AGO3: variants seen among roughly 807,000 people sequenced by gnomAD.
The protein encoded by AGO3 is argonaute RISC catalytic component 3, also known as protein argonaute-3.
Under a neutral mutation model 105.5 loss-of-function variants are expected in AGO3, and 16 were observed. That is an observed-to-expected ratio of 0.15 (90% confidence interval 0.10 to 0.23). The LOEUF is 0.23. AGO3 is among the 10% of genes least tolerant of loss of function. The pLI is 1.00. For missense variants in AGO3, 534 were observed against 1,088.0 expected, an observed-to-expected ratio of 0.49 and a Z score of 7.16; for synonymous variants, 340 against 367.3, an observed-to-expected ratio of 0.93 and a Z score of 0.85.
intron 2 of AGO3, 85 bp from the exon 3 acceptor site, chr1:35,966,870 A>G: frequency 6.9e-7 from 1 of 1,449,522 alleles, no homozygotes; most frequent in Non-Finnish European, 9.2e-7. Flanking sequence ...TGACAGCTTT[A>G]TACAGTGGCA....
intron 17 of AGO3, among the ~76,000 whole-genome samples, chr1:36,049,542 C>T (rs1017632195): frequency 1.3e-5 from 2 of 151,174 alleles, no homozygotes; most frequent in East Asian, 1.9e-4. Flanking sequence ...AAAAGAAAAA[C>T]TACTGGGTGC....
At chr1:35,934,080 C>A (rs1025329056) in intron 1 of AGO3, among the ~76,000 whole-genome samples, 2 of 152,136 alleles carry the variant, frequency 1.3e-5, no homozygotes, top group African/African-American at 4.8e-5. Context: ...TGGGGAACAT[C>A]TGATGAAACA....
chr1:35,980,615 G>A (rs1647036001), intron 5 of AGO3, among the ~76,000 whole-genome samples: 1 of 152,162 alleles, frequency 6.6e-6, no homozygotes, highest in Non-Finnish European at 1.5e-5. Context: ...GCTAGATGTG[G>A]AATTGTTGGC....
At chr1:36,016,416 A>T (rs757013155) in intron 11 of AGO3, among the ~76,000 whole-genome samples, 1 of 152,120 alleles carries the variant, frequency 6.6e-6, no homozygotes, top group Non-Finnish European at 1.5e-5. Context: ...TCCTGACCTG[A>T]GGTGATCTGC....
Position 36,027,059 on chromosome 1 carries a change from T to G in AGO3, c.1407-55T>G, listed in dbSNP as rs1557696436. ...CCTTCCCAAACTTCCCATTACTACT[T>G]TGTAGGAATTCATGACTAGACAAAG... On this transcript the variant is annotated intron_variant, in intron 11 of 18. Coordinates refer to ENST00000373191, the MANE Select transcript of AGO3 (RefSeq NM_024852.4). This position sits in a 1 kb window ranked among gnomAD's most constrained non-coding sequence, Gnocchi z 4.0. The G allele has an allele frequency of 6.5e-7, 1 of 1,537,088 alleles. No homozygotes were observed. The highest frequency in any genetic ancestry group is 2.0e-5 in the Admixed American group (1 of 50,548).
chr1:35,959,170 A>G (rs1237459721), intron 2 of AGO3, among the ~76,000 whole-genome samples: 3 of 152,182 alleles, frequency 2.0e-5, no homozygotes, highest in African/African-American at 4.8e-5. Context: ...GTCAGGTGGT[A>G]AAATGGGACT....
intron 11 of AGO3, among the ~76,000 whole-genome samples, chr1:36,024,376 G>A (rs684594): frequency 0.72 from 109,736 of 151,952 alleles, 43,365 homozygotes; most frequent in Non-Finnish European, 0.91. Flanking sequence ...GACTTAAGCA[G>A]TCCTCCTGCC....
intron 17 of AGO3, among the ~76,000 whole-genome samples, chr1:36,054,437 T>A (rs758709069): frequency 1.4e-4 from 21 of 151,994 alleles, no homozygotes; most frequent in Non-Finnish European, 2.8e-4. Flanking sequence ...CACATCTGGC[T>A]AATTTTTTTT....
At position 35,965,467 on chromosome 1, in the gene AGO3, G is replaced by A. The variant is rs1253164004; in HGVS notation, c.192-1488G>A. ...ATCGCACCACTGCACTCCATCCTGC[G>A]TGACAGAGCAAGACGCTGTCTCAAA... On this transcript the variant is annotated intron_variant, in intron 2 of 18. Coordinates refer to ENST00000373191, the MANE Select transcript of AGO3 (RefSeq NM_024852.4). 1.2e-4 allele frequency among the ~76,000 whole-genome samples: 17 copies of A among 142,694 alleles called. 1 individual carries two copies. The highest frequency in any genetic ancestry group is 7.5e-5 in the Non-Finnish European group (5 of 66,526). The allele number at this position is 142,694 out of a possible 152,430, so 93.6% of individuals were successfully genotyped here.
chr1:35,988,236 A>G (rs1440435717), intron 5 of AGO3, among the ~76,000 whole-genome samples: 1 of 152,242 alleles, frequency 6.6e-6, no homozygotes, highest in Non-Finnish European at 1.5e-5. Context: ...ATACATATGC[A>G]TTGTGAAATG....
intron 2 of AGO3, among the ~76,000 whole-genome samples, chr1:35,960,272 A>G (rs1436257923): frequency 6.6e-6 from 1 of 152,074 alleles, no homozygotes. Context: ...CTTTTCCCTA[A>G]TATCCTTTGA....
intron 2 of AGO3, among the ~76,000 whole-genome samples, chr1:35,961,068 C>T (rs1203008760): frequency 2.6e-5 from 4 of 151,260 alleles, no homozygotes; most frequent in African/African-American, 9.7e-5. Context: ...CTCAGGCTCC[C>T]GAGTAGCTGG....
chr1:36,034,064 T>C, intron 12 of AGO3, 110 bp from the exon 13 acceptor site: 1 of 1,126,850 alleles, frequency 8.9e-7, no homozygotes, highest in Non-Finnish European at 1.2e-6. Flanking sequence ...TTTGGTATCC[T>C]GTAATACAAT....
Position 36,009,597 on chromosome 1 carries a change from T to A in AGO3, c.1149+3T>A. 6.2e-7 allele frequency: 1 copy of A among 1,609,912 alleles called. No homozygotes were observed. Among genetic ancestry groups the A allele is most frequent in the Admixed American group, 1.7e-5 (1 of 58,162 alleles). ...GACAAGAGGAAATTAGCAGATTGGTTAGTACTTAACCTTAGAAATGAGAAT... is the reference window on the plus strand; with the variant it reads ...GACAAGAGGAAATTAGCAGATTGGTAAGTACTTAACCTTAGAAATGAGAAT... On this transcript the variant is annotated splice_donor_region_variant and intron_variant, in intron 9 of 18. Transcript: ENST00000373191.
intron 5 of AGO3, chr1:35,982,662 A>C: frequency 1.4e-6 from 1 of 717,376 alleles, no homozygotes; most frequent in East Asian, 2.7e-5. Context: ...GATAGAGGAG[A>C]AAAAACTAAT....
chr1:36,061,151 G>A lies in AGO3; in HGVS notation c.*5406G>A, dbSNP rs989522358. ...AGAAATGACACTGTGATTAGTGAAA[G>A]CCAAGCTGAGTCCCAGGAAGCAGGG... On this transcript the variant is annotated 3_prime_UTR_variant, in exon 19 of 19. Transcript: ENST00000373191. 2.0e-5 allele frequency: 3 copies of A among 152,136 alleles called. No individual in the cohort carries two copies. Among genetic ancestry groups the A allele is most frequent in the African/African-American group, 7.2e-5 (3 of 41,410 alleles). The allele number at this position is 152,136 out of a possible 1,614,324, so 9.4% of individuals were successfully genotyped here.
At chr1:35,945,133 T>C (rs1204140114) in intron 1 of AGO3, among the ~76,000 whole-genome samples, 1 of 152,200 alleles carries the variant, frequency 6.6e-6, no homozygotes, top group Non-Finnish European at 1.5e-5. Context: ...CCTTGTCAAA[T>C]AATCAAATAA....
chr1:35,990,465 A>G, intron 5 of AGO3, among the ~76,000 whole-genome samples: 1 of 152,280 alleles, frequency 6.6e-6, no homozygotes, highest in East Asian at 1.9e-4. Flanking sequence ...CCAAGATTGC[A>G]CCACTGCATT....
At chr1:36,036,091 C>A in intron 13 of AGO3, 86 bp from the exon 14 acceptor site, 5 of 1,191,054 alleles carry the variant, frequency 4.2e-6, no homozygotes, top group Non-Finnish European at 6.1e-6. Context: ...CTGTCAATAA[C>A]TTGAAGTTAC....
Sources: allele counts gnomAD v4.1 joint callset (sites outside exome capture counted in the v4.1 genomes callset), GRCh38; gene constraint gnomAD v4.1.1; non-coding constraint Gnocchi (gnomAD v3.1); transcripts MANE v1.5; gene names NCBI Gene and HGNC (gene_info 2026-07-23, HGNC 2026-07-21).